Variants in ADAMTS5 observed in about 807,000 individuals in gnomAD.
ADAMTS5 encodes the protein ADAM metallopeptidase with thrombospondin type 1 motif 5.
A neutral mutation model predicts 81.4 loss-of-function variants in ADAMTS5; 54 were observed. That is an observed-to-expected ratio of 0.66 (90% CI 0.53 to 0.83). ADAMTS5 has a LOEUF of 0.83. ADAMTS5 is among the 40% of genes least tolerant of loss of function. ADAMTS5 has a pLI of 0.00. For missense variants in ADAMTS5, 1,194 were observed against 1,229.9 expected, an observed-to-expected ratio of 0.97 and a Z score of 0.44; for synonymous variants, 532 against 508.8, an observed-to-expected ratio of 1.05 and a Z score of -0.61.
intron 3 of ADAMTS5, among the ~76,000 whole-genome samples, chr21:26,939,109 T>C (rs1987068578): frequency 1.3e-5 from 2 of 151,962 alleles, no homozygotes; most frequent in South Asian, 4.2e-4. Context: ...AAAAGAAAAA[T>C]GGGTGCATTT....
intron 6 of ADAMTS5, among the ~76,000 whole-genome samples, 174 bp from the exon 7 acceptor site, chr21:26,930,235 C>T (rs1181455068): frequency 1.3e-5 from 2 of 151,672 alleles, no homozygotes; most frequent in East Asian, 3.9e-4. Flanking sequence ...CTGAAAAATC[C>T]TTGTCATATT....
rs1002078800 is a variant in ADAMTS5 at position 26,920,222 on chromosome 21, T to G, written c.*3831A>C. 2.0e-5 allele frequency: 3 copies of G among 152,078 alleles called. No homozygotes were observed. Among genetic ancestry groups the G allele is most frequent in the African/African-American group, 7.2e-5 (3 of 41,440 alleles). The allele number at this position is 152,078 out of a possible 1,614,324, so 9.4% of individuals were successfully genotyped here. A position where few individuals can be genotyped will look rare whatever the true frequency, so the allele number is the denominator to read the frequency against. ...ACCTTGTTAACAAGGAAGGAATCAA[T>G]GGGGAAATATCACAACCAGAGATTG... On this transcript the variant is annotated 3_prime_UTR_variant, in exon 8 of 8. Transcript: ENST00000284987.
intron 3 of ADAMTS5, among the ~76,000 whole-genome samples, chr21:26,935,576 T>C (rs1014453563): frequency 1.3e-5 from 2 of 152,242 alleles, no homozygotes; most frequent in Non-Finnish European, 1.5e-5. Flanking sequence ...TTGGTGTTTG[T>C]TGAGTATTTG....
chr21:26,944,305 G>T (rs1427384299), intron 2 of ADAMTS5, among the ~76,000 whole-genome samples: 1 of 152,094 alleles, frequency 6.6e-6, no homozygotes, highest in African/African-American at 2.4e-5. Context: ...AGGACAGCTT[G>T]GTTTCCCAAG....
chr21:26,933,165 T>G, intron 4 of ADAMTS5, 121 bp from the exon 5 acceptor site: 1 of 1,025,294 alleles, frequency 9.8e-7, no homozygotes, highest in Non-Finnish European at 1.4e-6. Context: ...CAGTTATATT[T>G]TCACTGAATT....
intron 2 of ADAMTS5, among the ~76,000 whole-genome samples, chr21:26,947,214 T>G (rs1047707444): frequency 1.3e-5 from 2 of 152,194 alleles, no homozygotes; most frequent in African/African-American, 4.8e-5. Flanking sequence ...AATTGGAAGC[T>G]TTTCACCTAA....
chr21:26,966,523 G>A lies in ADAMTS5; in HGVS notation c.-132C>T. ...GCAGGATTGAGTCAAGTGTCGGAGG[G>A]AGGGGGGCCCGGCAGCAGCGCCAGC... On this transcript the variant is annotated 5_prime_UTR_variant, in exon 1 of 8. Transcript: ENST00000284987. 1 of 944,334 alleles carries A rather than the reference G, an allele frequency of 1.1e-6. No homozygotes were observed. The highest frequency in any genetic ancestry group is 1.4e-6 in the Non-Finnish European group (1 of 698,534). The allele number at this position is 944,334 out of a possible 1,614,324, so 58.5% of individuals were successfully genotyped here. A position where few individuals can be genotyped will look rare whatever the true frequency, so the allele number is the denominator to read the frequency against.
At chr21:26,956,637 ACT>A (rs1987432281) in intron 1 of ADAMTS5, among the ~76,000 whole-genome samples, 1 of 151,978 alleles carries the variant, frequency 6.6e-6, no homozygotes, top group Admixed American at 6.6e-5. Flanking sequence ...GCTGCTAGAC[ACT>A]CTAGGTTATA....
At chr21:26,928,575 T>C (rs1173875846) in intron 7 of ADAMTS5, among the ~76,000 whole-genome samples, 2 of 152,160 alleles carry the variant, frequency 1.3e-5, no homozygotes, top group African/African-American at 4.8e-5. Flanking sequence ...TGTTTCTAAT[T>C]TGATTCCTGA....
chr21:26,966,735 G>A lies in ADAMTS5; in HGVS notation c.-344C>T, dbSNP rs1464810897. Among the ~76,000 whole-genome samples, 1 of 151,588 alleles carries A rather than the reference G, an allele frequency of 6.6e-6. No homozygotes were observed. Among genetic ancestry groups the A allele is most frequent in the East Asian group, 1.9e-4 (1 of 5,142 alleles). On this transcript the variant is annotated 5_prime_UTR_variant, in exon 1 of 8. Transcript: ENST00000284987. ...AACAAAAACCAAAAAACCACCAAAT[G>A]CAGGCACGATCGCTGTTTCAAGAAA...
At chr21:26,927,099 C>A (rs191884861) in intron 7 of ADAMTS5, among the ~76,000 whole-genome samples, 3 of 152,136 alleles carry the variant, frequency 2.0e-5, no homozygotes, top group Admixed American at 6.5e-5. Context: ...CCAGCTTTCC[C>A]GACTACCATA....
At position 26,924,209 on chromosome 21, in the gene ADAMTS5, C is replaced by A; in HGVS notation, c.2637G>T (p.Trp879Cys). The A allele has an allele frequency of 6.2e-7, 1 of 1,614,178 alleles. No individual in the cohort carries two copies. Among genetic ancestry groups the A allele is most frequent in the South Asian group, 1.1e-5 (1 of 91,072 alleles). Residue 879 changes from tryptophan (W) to cysteine (C), a missense_variant, in exon 8 of 8, where the codon TGG becomes TGT. Physicochemically the swap from Trp to Cys is radical, Grantham distance 215. Around this residue, in one of 2 missense-constraint regions of ADAMTS5, gnomAD observed 696 missense variants for 817.6 expected, o/e 0.85. Coordinates refer to ENST00000284987, the MANE Select transcript of ADAMTS5 (RefSeq NM_007038.5). ...KVGSHTSQPQWVTGPWLACSR... is the reference protein window; with the variant it reads ...KVGSHTSQPQCVTGPWLACSR... The stretch of plus-strand genomic sequence containing the variant: ...AGCAGGCGAGCCATGGGCCCGTGAC[C>A]CACTGCGGCTGCGAAGTGTGTGATC...
intron 3 of ADAMTS5, among the ~76,000 whole-genome samples, chr21:26,936,429 C>T (rs1987015019): frequency 6.6e-6 from 1 of 152,068 alleles, no homozygotes; most frequent in South Asian, 2.1e-4. Flanking sequence ...TTTAGATGTA[C>T]TACAGTTATT....
chr21:26,963,390 T>C (rs1449269177), intron 1 of ADAMTS5, among the ~76,000 whole-genome samples: 2 of 151,944 alleles, frequency 1.3e-5, no homozygotes, highest in Non-Finnish European at 2.9e-5. Flanking sequence ...AGGAATGTTA[T>C]GGGGCAGGAG....
intron 3 of ADAMTS5, among the ~76,000 whole-genome samples, chr21:26,941,281 G>A (rs1273750828): frequency 6.6e-6 from 1 of 151,940 alleles, no homozygotes. Context: ...ATATACATGA[G>A]AAATTTAGAT....
In ADAMTS5 at chr21:26,966,005, GT is replaced by G; in HGVS notation, c.386del (p.His129ProfsTer37). ...GTSAPWRHRS[H>X]CFYRGTVDGS... Reference sequence around the variant, plus strand: ...CGTCCACTGTGCCCCGATAGAAGCAGTGGCTCCGGTGGCGCCAGGGCGCACT... The same window carrying G: ...CGTCCACTGTGCCCCGATAGAAGCAGGGCTCCGGTGGCGCCAGGGCGCACT... On this transcript the variant is annotated frameshift_variant, in exon 1 of 8. Transcript: ENST00000284987. LOFTEE classifies it high-confidence loss of function. 1 of 1,613,044 alleles carries G rather than the reference GT, an allele frequency of 6.2e-7. No homozygotes were observed. Among genetic ancestry groups the G allele is most frequent in the Non-Finnish European group, 8.5e-7 (1 of 1,179,822 alleles).
At position 26,965,988 on chromosome 21, in the gene ADAMTS5, G is replaced by A; in HGVS notation, c.404C>T (p.Thr135Ile). ...RHRSHCFYRG[T>I]VDGSPRSLAV... is the part of the protein sequence containing the mutation. ...CAGAGAGCGGGGACTACCGTCCACT[G>A]TGCCCCGATAGAAGCAGTGGCTCCG... The change falls in exon 1 of 8, where the codon ACA becomes ATA. Residue 135 changes from threonine to isoleucine, a missense_variant. Thr to Ile is a moderately conservative substitution (Grantham distance 89, BLOSUM62 -1). Transcript: ENST00000284987. 6.2e-7 allele frequency: 1 copy of A among 1,613,254 alleles called. No homozygotes were observed. The highest frequency in any genetic ancestry group is 8.5e-7 in the Non-Finnish European group (1 of 1,179,830).
At chr21:26,951,072 G>T (rs979328598) in intron 2 of ADAMTS5, among the ~76,000 whole-genome samples, 2 of 152,042 alleles carry the variant, frequency 1.3e-5, no homozygotes, top group Non-Finnish European at 2.9e-5. Context: ...TGTTGCCCAG[G>T]CTGTTAATGA....
Position 26,966,192 on chromosome 21 carries a change from C to T in ADAMTS5, c.200G>A (p.Arg67Gln). The T allele has an allele frequency of 6.3e-7, 1 of 1,599,226 alleles. No homozygotes were observed. The highest frequency in any genetic ancestry group is 1.3e-5 in the African/African-American group (1 of 74,768). The change falls in exon 1 of 8, where the codon CGG (arginine) becomes CAG (glutamine). Residue 67 changes from arginine (R) to glutamine (Q), a missense_variant. Around this residue, in one of 2 missense-constraint regions of ADAMTS5, gnomAD observed 498 missense variants for 412.3 expected, o/e 1.21. Coordinates refer to ENST00000284987, the MANE Select transcript of ADAMTS5 (RefSeq NM_007038.5). ...PPGHPHPLAQ[R>Q]RRSKGLVQNI... ...CTGCACCAGCCCCTTGCTCCTGCGC[C>T]GCTGCGCCAGGGGGTGCGGGTGGCC... is the stretch of plus-strand genomic sequence containing the variant.
Sources: gnomAD v4.1 joint callset for allele counts (sites outside exome capture counted in the v4.1 genomes callset) on GRCh38, gnomAD v4.1.1 for gene constraint, gnomAD v4.1.1 regional missense constraint, MANE v1.5 for transcripts, NCBI Gene and HGNC (gene_info 2026-07-23, HGNC 2026-07-21) for gene names.